The following AFG2A variants were observed in gnomAD, a reference collection of about 807,000 sequenced individuals.
AFG2A encodes the protein ATPase family gene 2 protein homolog A.
At chr4:123,203,317 A>G in the AFG2A span, among the ~76,000 whole-genome samples, 1 of 150,424 alleles carries the variant, frequency 6.6e-6, no homozygotes, top group Non-Finnish European at 1.5e-5. Flanking sequence ...CGCCCAGCTA[A>G]TTTTTGTATT....
chr4:123,150,532 G>C, the AFG2A span, among the ~76,000 whole-genome samples: 1 of 151,744 alleles, frequency 6.6e-6, no homozygotes, highest in South Asian at 2.1e-4. Flanking sequence ...TTGCTAAAAA[G>C]AGAATACCTA....
the AFG2A span, among the ~76,000 whole-genome samples, chr4:123,225,311 C>T: frequency 2.0e-5 from 3 of 152,136 alleles, no homozygotes; most frequent in Admixed American, 6.5e-5. Flanking sequence ...ATGGTGTTGC[C>T]TAGGTTTTCC....
chr4:123,100,773 T>C, the AFG2A span, among the ~76,000 whole-genome samples: 1 of 151,944 alleles, frequency 6.6e-6, no homozygotes, highest in Non-Finnish European at 1.5e-5. Flanking sequence ...TTTTCACGCC[T>C]TGGGCTTGTG....
chr4:122,927,843 G>C, the AFG2A span: 1 of 1,539,470 alleles, frequency 6.5e-7, no homozygotes, highest in Non-Finnish European at 8.8e-7. Flanking sequence ...ATGCTTTTGA[G>C]TGCCATGGTA....
chr4:123,058,628 A>T, the AFG2A span, among the ~76,000 whole-genome samples: 1 of 152,200 alleles, frequency 6.6e-6, no homozygotes, highest in Non-Finnish European at 1.5e-5. Flanking sequence ...TCCATCTCAA[A>T]AAACAAAACA....
the AFG2A span, among the ~76,000 whole-genome samples, chr4:123,308,486 C>T: frequency 0.13 from 19,086 of 151,978 alleles, 1,343 homozygotes; most frequent in Middle Eastern, 0.18. Context: ...GTCAGATCAG[C>T]GGCGGCATTA....
the AFG2A span, among the ~76,000 whole-genome samples, chr4:123,083,574 CT>C: frequency 8.2e-5 from 9 of 110,056 alleles, no homozygotes; most frequent in East Asian, 2.8e-4. Flanking sequence ...TTTTTTTTTT[CT>C]TTTTTTTTTA....
the AFG2A span, among the ~76,000 whole-genome samples, chr4:123,217,998 T>C: frequency 6.6e-6 from 1 of 152,308 alleles, no homozygotes; most frequent in African/African-American, 2.4e-5. Flanking sequence ...AGTCTGTGTG[T>C]CAGGGGCCTG....
At chr4:123,205,555 G>T in the AFG2A span, among the ~76,000 whole-genome samples, 3 of 152,264 alleles carry the variant, frequency 2.0e-5, no homozygotes, top group Admixed American at 6.5e-5. Flanking sequence ...CATTGTGTTA[G>T]CTATTACAAG....
chr4:123,238,228 A>T, the AFG2A span, among the ~76,000 whole-genome samples: 85,060 of 152,112 alleles, frequency 0.56, 26,274 homozygotes, highest in Non-Finnish European at 0.67. Context: ...TGCCTCCATG[A>T]ACTGTACCTC....
At chr4:123,318,222 G>A in the AFG2A span, 2 of 152,132 alleles carry the variant, frequency 1.3e-5, no homozygotes, top group Admixed American at 1.3e-4. Context: ...CAGGCTTTTA[G>A]GACCTAGGAA....
chr4:123,034,518 G>A, the AFG2A span, among the ~76,000 whole-genome samples: 122,035 of 148,646 alleles, frequency 0.82, 51,573 homozygotes, highest in East Asian at 0.97. Context: ...AGTACCCAAG[G>A]AAGCATGATA....
chr4:123,086,685 T>C, the AFG2A span, among the ~76,000 whole-genome samples: 3 of 150,486 alleles, frequency 2.0e-5, no homozygotes, highest in Admixed American at 6.6e-5. Context: ...TTGTTCTGTG[T>C]GGTTTTATTA....
At chr4:122,988,506 C>G in the AFG2A span, among the ~76,000 whole-genome samples, 1 of 150,674 alleles carries the variant, frequency 6.6e-6, no homozygotes, top group Non-Finnish European at 1.5e-5. Flanking sequence ...TCAAGGGATT[C>G]TCCTGCCTCA....
At chr4:123,156,768 A>G in the AFG2A span, among the ~76,000 whole-genome samples, 1 of 150,870 alleles carries the variant, frequency 6.6e-6, no homozygotes, top group Non-Finnish European at 1.5e-5. Flanking sequence ...TTAAAAAAAA[A>G]AAAAAAAAGA....
At chr4:123,056,241 C>T in the AFG2A span, 225 of 688,624 alleles carry the variant, frequency 3.3e-4, 5 homozygotes, top group South Asian at 4.9e-3. Context: ...GCACAAATAA[C>T]AAACAGAGAA....
the AFG2A span, among the ~76,000 whole-genome samples, chr4:122,955,901 G>A: frequency 3.9e-5 from 6 of 152,142 alleles, no homozygotes; most frequent in African/African-American, 7.2e-5. Flanking sequence ...GGGCCTGGTC[G>A]TAGAAATGGA....
At chr4:123,138,700 T>A in the AFG2A span, among the ~76,000 whole-genome samples, 31 of 152,142 alleles carry the variant, frequency 2.0e-4, no homozygotes, top group African/African-American at 6.3e-4. Context: ...GGAAAAAAAA[T>A]AAATATATTC....
At chr4:123,208,650 C>T in the AFG2A span, among the ~76,000 whole-genome samples, 19 of 152,150 alleles carry the variant, frequency 1.2e-4, no homozygotes, top group African/African-American at 4.1e-4. Flanking sequence ...CCATCAATGT[C>T]GTTATGGATA....
Sources: gnomAD v4.1 joint callset for allele counts (sites outside exome capture counted in the v4.1 genomes callset) on GRCh38, gnomAD v4.1.1 for gene constraint, MANE v1.5 for transcripts, NCBI Gene and HGNC (gene_info 2026-07-23, HGNC 2026-07-21) for gene names.